DHTKD1: variants seen among roughly 807,000 people sequenced by gnomAD.
DHTKD1 encodes 2-oxoadipate dehydrogenase complex component E1.
DHTKD1 carries 78 observed loss-of-function variants against 101.8 expected under a neutral mutation model. The observed-to-expected ratio is 0.77, with a 90% CI of 0.64 to 0.93. The LOEUF (loss-of-function observed/expected upper bound fraction) is 0.93, where lower values mean the gene tolerates loss of function less well. Ranked by LOEUF, DHTKD1 falls within the 40% of genes least tolerant of loss-of-function variation. The probability of loss-of-function intolerance (pLI) is 0.00; values close to 1 mark genes in which losing one functional copy is unlikely to be tolerated. For missense variants in DHTKD1, 1,223 were observed against 1,161.7 expected (o/e 1.05, Z -0.77); for synonymous variants, 462 against 450.3 (o/e 1.03, Z -0.33).
chr10:12,086,409 C>T (rs929458983), intron 3 of DHTKD1, among the ~76,000 whole-genome samples: 2 of 151,010 alleles, frequency 1.3e-5, no homozygotes, highest in East Asian at 3.9e-4. Flanking sequence ...TTTAGTAGAA[C>T]GGGGTTTCAC....
chr10:12,113,151 A>T, intron 13 of DHTKD1, 87 bp downstream of exon 13: 1 of 1,203,342 alleles, frequency 8.3e-7, no homozygotes, highest in Non-Finnish European at 1.1e-6. Flanking sequence ...AATTATATTT[A>T]AATTACAGAA....
At chr10:12,081,347 T>TA (rs1342827108) in intron 1 of DHTKD1, 125 bp from the exon 2 acceptor site, 7 of 707,558 alleles carry the variant, frequency 9.9e-6, no homozygotes, top group Non-Finnish European at 7.1e-6. Context: ...ACCCTGTCTC[T>TA]AAAATAAATA....
chr10:12,119,479 G>C (rs575672370), intron 15 of DHTKD1, among the ~76,000 whole-genome samples: 1 of 151,126 alleles, frequency 6.6e-6, no homozygotes, highest in Admixed American at 6.6e-5. Context: ...AGCCGGGCGT[G>C]GTGGCGGGCG....
At chr10:12,079,466 G>A (rs1003015832) in intron 1 of DHTKD1, among the ~76,000 whole-genome samples, 10 of 151,994 alleles carry the variant, frequency 6.6e-5, no homozygotes, top group Non-Finnish European at 1.3e-4. Flanking sequence ...TCAGGAGATC[G>A]AGACCATCCT....
intron 9 of DHTKD1, 25 bp downstream of exon 9, chr10:12,100,287 G>GGTTTTTTTTTTTTTT (rs774056019): frequency 7.3e-6 from 2 of 272,274 alleles, no homozygotes; most frequent in East Asian, 8.1e-5. Flanking sequence ...TTTTTTTTCT[G>GGTTTTTTTTTTTTTT]TTTTTTTTTT....
In DHTKD1 at chr10:12,087,762, T is replaced by C; in HGVS notation, c.717+33T>C. The stretch of plus-strand genomic sequence containing the variant: ...TACTCGCTGTGTTTCTCAGTAGCAC[T>C]ATATGATTGATTGTAACAGAATAAA... On this transcript the variant is annotated intron_variant, in intron 4 of 16. Transcript: ENST00000263035. This position sits in a 1 kb window ranked among gnomAD's most constrained non-coding sequence, Gnocchi z 5.2. The C allele has an allele frequency of 1.3e-6, 2 of 1,501,292 alleles. No individual in the cohort carries two copies. Among genetic ancestry groups the C allele is most frequent in the Non-Finnish European group, 1.8e-6 (2 of 1,115,924 alleles). The allele number at this position is 1,501,292 out of a possible 1,614,324, so 93.0% of individuals were successfully genotyped here.
At chr10:12,118,337 T>A (rs1042589932) in intron 14 of DHTKD1, among the ~76,000 whole-genome samples, 2 of 151,496 alleles carry the variant, frequency 1.3e-5, no homozygotes, top group African/African-American at 4.9e-5. Flanking sequence ...ACCTTGTTCA[T>A]GAGGACTTTA....
At chr10:12,076,601 G>C (rs960471414) in intron 1 of DHTKD1, among the ~76,000 whole-genome samples, 6 of 152,204 alleles carry the variant, frequency 3.9e-5, no homozygotes, top group Non-Finnish European at 7.3e-5. Context: ...GGGAGGCTGA[G>C]GCAGGAGGAT....
Position 12,107,880 on chromosome 10 carries a change from C to A in DHTKD1, c.2048-29C>A. On this transcript the variant is annotated intron_variant, in intron 11 of 16. Transcript: ENST00000263035. The surrounding 1 kb of genome is among the most constrained non-coding windows in gnomAD (Gnocchi z 4.1). Reference sequence around the variant, plus strand: ...GCCACTTTGTCCCCGCTTCGTAGAGCTCTTACTCCCCACGTGGTACTTTTC... The same window carrying A: ...GCCACTTTGTCCCCGCTTCGTAGAGATCTTACTCCCCACGTGGTACTTTTC... 6.8e-7 allele frequency: 1 copy of A among 1,475,968 alleles called. No homozygotes were observed. Among genetic ancestry groups the A allele is most frequent in the Non-Finnish European group, 9.5e-7 (1 of 1,055,192 alleles). The allele number at this position is 1,475,968 out of a possible 1,614,324, so 91.4% of individuals were successfully genotyped here. A position where few individuals can be genotyped will look rare whatever the true frequency, so the allele number is the denominator to read the frequency against.
rs759872323 is a variant in DHTKD1, at chr10:12,084,555, G to A, written c.326G>A (p.Gly109Glu). ...PFHTAGLLNM[G>E]KEEASLEEVL... Reference sequence around the variant, plus strand: ...TATTTCACAGGATTATTGAACATGGGGAAGGAAGAGGCCTCACTTGAGGAA... The same window carrying A: ...TATTTCACAGGATTATTGAACATGGAGAAGGAAGAGGCCTCACTTGAGGAA... Residue 109 changes from glycine (G) to glutamate (E), a missense_variant, in exon 3 of 17, where the codon GGG becomes GAG. Coordinates refer to ENST00000263035, the MANE Select transcript of DHTKD1 (RefSeq NM_018706.7). 6.2e-7 allele frequency: 1 copy of A among 1,607,166 alleles called. No homozygotes were observed. Among genetic ancestry groups the A allele is most frequent in the Non-Finnish European group, 8.5e-7 (1 of 1,173,808 alleles).
rs187651674 is a variant in DHTKD1, at chr10:12,076,245, C to T, written c.155-5227C>T. ...GTAATCCCAGCACTTTGGGAGGCCG[C>T]GGTGGGCGGATCACGAGGTCAGGAG... On this transcript the variant is annotated intron_variant, in intron 1 of 16. Coordinates refer to ENST00000263035, the MANE Select transcript of DHTKD1 (RefSeq NM_018706.7). Among the ~76,000 whole-genome samples, 381 of 152,250 alleles carry T rather than the reference C, an allele frequency of 2.5e-3. 2 individuals are homozygous for T. Among genetic ancestry groups the T allele is most frequent in the African/African-American group, 8.7e-3 (361 of 41,572 alleles).
At chr10:12,092,471 T>G (rs544527756) in intron 6 of DHTKD1, among the ~76,000 whole-genome samples, 7 of 152,226 alleles carry the variant, frequency 4.6e-5, no homozygotes, top group African/African-American at 1.7e-4. Context: ...ATAAGGGATG[T>G]GTTCAACCAC....
At chr10:12,117,474 T>C (rs1833438323) in intron 13 of DHTKD1, among the ~76,000 whole-genome samples, 199 bp from the exon 14 acceptor site, 1 of 152,094 alleles carries the variant, frequency 6.6e-6, no homozygotes, top group African/African-American at 2.4e-5. Context: ...GGCTATCTTA[T>C]GTAACCTCAG....
chr10:12,122,881 G>C lies in DHTKD1; in HGVS notation c.*1993G>C, dbSNP rs980782018. On this transcript the variant is annotated 3_prime_UTR_variant, in exon 17 of 17. Coordinates refer to ENST00000263035, the MANE Select transcript of DHTKD1 (RefSeq NM_018706.7). The stretch of plus-strand genomic sequence containing the variant: ...CTCTGAAGTGGTGTGGGAAGTACCA[G>C]GGGACTGGCAGAAGCCCAGGCCCTC... The C allele has an allele frequency of 2.0e-5, 3 of 152,274 alleles. No individual in the cohort carries two copies. Among genetic ancestry groups the C allele is most frequent in the African/African-American group, 7.2e-5 (3 of 41,466 alleles). The allele number at this position is 152,274 out of a possible 1,614,324, so 9.4% of individuals were successfully genotyped here.
At position 12,107,088 on chromosome 10, in the gene DHTKD1, G is replaced by A. The variant is rs922410505; in HGVS notation, c.2047+692G>A. 4.6e-5 allele frequency among the ~76,000 whole-genome samples: 7 copies of A among 151,748 alleles called. No individual in the cohort carries two copies. The highest frequency in any genetic ancestry group is 2.4e-5 in the African/African-American group (1 of 41,296). On this transcript the variant is annotated intron_variant, in intron 11 of 16. Coordinates refer to ENST00000263035, the MANE Select transcript of DHTKD1 (RefSeq NM_018706.7). The surrounding 1 kb of genome is among the most constrained non-coding windows in gnomAD (Gnocchi z 4.1). The stretch of plus-strand genomic sequence containing the variant: ...CAAGCTCCGCCTACTGGGTTTGCAC[G>A]ATTCTCCTGCCTCAGCCTCCCGAGT...
intron 1 of DHTKD1, among the ~76,000 whole-genome samples, chr10:12,069,518 C>T (rs1588597665): frequency 1.1e-4 from 9 of 81,514 alleles, no homozygotes; most frequent in Admixed American, 5.2e-4. Context: ...TTTTTGTTTC[C>T]TTTTTTTTTT....
Position 12,097,781 on chromosome 10 carries a change from G to T in DHTKD1, c.1456G>T (p.Ala486Ser), listed in dbSNP as rs1430585417. 1 of 1,614,056 alleles carries T rather than the reference G, an allele frequency of 6.2e-7. No individual in the cohort carries two copies. The highest frequency in any genetic ancestry group is 1.3e-5 in the African/African-American group (1 of 74,920). The change falls in exon 8 of 17, where the codon GCC becomes TCC. Residue 486 changes from alanine (A) to serine (S), a missense_variant. Transcript: ENST00000263035. ...GTCTGAAATAAAATCCTCCTACTAT[G>T]CCAAGTTGAATGATCACTTAAATAA... ...EVSEIKSSYY[A>S]KLNDHLNNMA...
intron 12 of DHTKD1, among the ~76,000 whole-genome samples, chr10:12,108,632 G>C (rs987638358): frequency 1.9e-4 from 29 of 152,044 alleles, no homozygotes; most frequent in African/African-American, 6.8e-4. Flanking sequence ...GTCCTCATTT[G>C]GTGTGAATCA....
intron 16 of DHTKD1, 66 bp from the exon 17 acceptor site, chr10:12,120,721 T>C (rs1833513854): frequency 5.2e-6 from 7 of 1,347,748 alleles, no homozygotes; most frequent in South Asian, 1.2e-5. Flanking sequence ...CACTGTCTTG[T>C]TGGAACTAAG....
Sources: gnomAD v4.1 joint callset for allele counts (sites outside exome capture counted in the v4.1 genomes callset) on GRCh38, gnomAD v4.1.1 for gene constraint, Gnocchi (gnomAD v3.1) non-coding constraint, MANE v1.5 for transcripts, NCBI Gene and HGNC (gene_info 2026-07-23, HGNC 2026-07-21) for gene names.